Variants in BAZ2B observed in about 807,000 individuals in gnomAD.
BAZ2B encodes bromodomain adjacent to zinc finger domain 2B, also known as bromodomain adjacent to zinc finger domain protein 2B.
A neutral mutation model predicts 246.0 loss-of-function variants in BAZ2B; 91 were observed. The observed-to-expected ratio is 0.37, with a 90% confidence interval of 0.31 to 0.44. BAZ2B has a LOEUF of 0.44. BAZ2B is among the 20% of genes least tolerant of loss of function. BAZ2B has a pLI of 1.00. For missense variants in BAZ2B, 2,332 were observed against 2,533.7 expected, an observed-to-expected ratio of 0.92 and a Z score of 1.71; for synonymous variants, 855 against 860.0, an observed-to-expected ratio of 0.99 and a Z score of 0.10.
chr2:159,657,556 C>T, the BAZ2B span, among the ~76,000 whole-genome samples: 1 of 152,148 alleles, frequency 6.6e-6, no homozygotes, highest in African/African-American at 2.4e-5. Context: ...TTGGAAAGTG[C>T]TGACATCTTG....
At chr2:159,668,564 A>G in the BAZ2B span, among the ~76,000 whole-genome samples, 2 of 152,178 alleles carry the variant, frequency 1.3e-5, no homozygotes, top group Non-Finnish European at 2.9e-5. Context: ...TATCTCAATC[A>G]TGTAGGTAGG....
intron 1 of BAZ2B, among the ~76,000 whole-genome samples, chr2:159,585,424 C>T (rs1299124051): frequency 6.6e-6 from 1 of 152,082 alleles, no homozygotes; most frequent in Non-Finnish European, 1.5e-5. Flanking sequence ...TCAACAGACA[C>T]ATAAAAAAAT....
chr2:159,379,760 A>G (rs1406509196), intron 25 of BAZ2B, among the ~76,000 whole-genome samples: 4 of 152,160 alleles, frequency 2.6e-5, no homozygotes, highest in African/African-American at 7.2e-5. Flanking sequence ...TGATAAATTC[A>G]TCTCTCTAAG....
rs759816186 is a variant in BAZ2B at position 159,455,762 on chromosome 2, G to GTTTTTT, written c.146-1962_146-1961insAAAAAA. Among the ~76,000 whole-genome samples, 295 of 97,096 alleles carry GTTTTTT rather than the reference G, an allele frequency of 3.0e-3. 14 individuals carry two copies. Among genetic ancestry groups the GTTTTTT allele is most frequent in the East Asian group, 8.4e-3 (27 of 3,208 alleles). The allele number at this position is 97,096 out of a possible 152,430, so 63.7% of individuals were successfully genotyped here. A position where few individuals can be genotyped will look rare whatever the true frequency, so the allele number is the denominator to read the frequency against. On this transcript the variant is annotated intron_variant, in intron 3 of 36. Transcript: ENST00000392783. ...AGTGATAGGTTACCAGAAATATTGT[G>GTTTTTT]GTTTTTTTTTTTTTTTTTTTTTTTT... is the stretch of plus-strand genomic sequence containing the variant.
chr2:159,464,420 G>A (rs147213813), intron 3 of BAZ2B: 1 of 152,158 alleles, frequency 6.6e-6, no homozygotes, highest in African/African-American at 2.4e-5. Flanking sequence ...TAGAAGAGGT[G>A]ATGCATTATT....
At chr2:159,341,569 C>T (rs1559018896) in intron 31 of BAZ2B, among the ~76,000 whole-genome samples, 3 of 152,290 alleles carry the variant, frequency 2.0e-5, no homozygotes, top group South Asian at 4.1e-4. Context: ...CTGCAGAATA[C>T]ACATTATTTT....
intron 2 of BAZ2B, among the ~76,000 whole-genome samples, chr2:159,484,595 T>C (rs897222852): frequency 6.6e-6 from 1 of 152,226 alleles, no homozygotes; most frequent in African/African-American, 2.4e-5. Context: ...TTATGTACTA[T>C]AAAAGGATTC....
the BAZ2B span, among the ~76,000 whole-genome samples, chr2:159,679,121 A>C: frequency 9.2e-5 from 14 of 151,848 alleles, no homozygotes; most frequent in Non-Finnish European, 1.9e-4. Flanking sequence ...AAATACAAAA[A>C]ATTAGCCTGC....
At chr2:159,438,182 G>C in intron 8 of BAZ2B, 121 bp downstream of exon 8, 1 of 892,986 alleles carries the variant, frequency 1.1e-6, no homozygotes. Flanking sequence ...TCTATTCCTG[G>C]AGACTAAGAA....
At chr2:159,377,689 T>C (rs935117462) in intron 25 of BAZ2B, among the ~76,000 whole-genome samples, 10 of 151,836 alleles carry the variant, frequency 6.6e-5, no homozygotes, top group African/African-American at 1.5e-4. Flanking sequence ...GGCAGGCACC[T>C]GTAATCCCAG....
chr2:159,467,516 T>C (rs780030324), intron 3 of BAZ2B, among the ~76,000 whole-genome samples: 3 of 152,186 alleles, frequency 2.0e-5, no homozygotes, highest in Non-Finnish European at 4.4e-5. Context: ...GAATGGAATC[T>C]CTTTGCTTTG....
chr2:159,424,217 T>G (rs1041137120), intron 13 of BAZ2B, among the ~76,000 whole-genome samples: 1 of 152,194 alleles, frequency 6.6e-6, no homozygotes, highest in South Asian at 2.1e-4. Context: ...ATTAAAGATT[T>G]TATCTTTTCT....
chr2:159,656,377 T>C, the BAZ2B span, among the ~76,000 whole-genome samples: 1 of 152,176 alleles, frequency 6.6e-6, no homozygotes, highest in African/African-American at 2.4e-5. Flanking sequence ...GTATGTTTTC[T>C]GTTGCTTTGC....
intron 2 of BAZ2B, among the ~76,000 whole-genome samples, chr2:159,528,816 A>G (rs2085039621): frequency 2.0e-5 from 3 of 152,210 alleles, no homozygotes; most frequent in South Asian, 4.1e-4. Flanking sequence ...CACTAGTCCC[A>G]TAAGATGTTC....
chr2:159,347,499 C>T lies in BAZ2B; in HGVS notation c.5441G>A (p.Ser1814Asn). ...AGTCGATTTTACCTTCACTTGCAAA[C>T]TTGCTGATGCAACTCTCCTTTCTAG... ...EDLERRVASA[S>N]LQVKGWMCPE... Residue 1814 changes from serine to asparagine, a missense_variant, in exon 31 of 37, where the codon AGT becomes AAT. By Grantham distance (46) the Ser-to-Asn change is conservative (BLOSUM62 1). Coordinates refer to ENST00000392783, the MANE Select transcript of BAZ2B (RefSeq NM_013450.4). 1.4e-5 allele frequency: 22 copies of T among 1,613,680 alleles called. No homozygotes were observed. The highest frequency in any genetic ancestry group is 1.4e-5 in the Non-Finnish European group (17 of 1,179,794).
At chr2:159,341,052 A>G (rs1434389983) in intron 31 of BAZ2B, among the ~76,000 whole-genome samples, 2 of 152,200 alleles carry the variant, frequency 1.3e-5, no homozygotes, top group Non-Finnish European at 2.9e-5. Context: ...TAAATGAATT[A>G]AATTTCCCAT....
At chr2:159,519,712 G>A (rs1310029119) in intron 2 of BAZ2B, among the ~76,000 whole-genome samples, 1 of 120,574 alleles carries the variant, frequency 8.3e-6, no homozygotes, top group Non-Finnish European at 1.7e-5. Context: ...TTGCTCTGTC[G>A]CCCAGGCTGC....
At chr2:159,653,766 C>A in the BAZ2B span, among the ~76,000 whole-genome samples, 1 of 152,076 alleles carries the variant, frequency 6.6e-6, no homozygotes, top group East Asian at 1.9e-4. Context: ...GAATTATTGA[C>A]AAACTCAAAT....
At chr2:159,675,159 T>C in the BAZ2B span, among the ~76,000 whole-genome samples, 1 of 152,146 alleles carries the variant, frequency 6.6e-6, no homozygotes, top group African/African-American at 2.4e-5. Context: ...CCTAGCACTT[T>C]GGGAAGCCTG....
Sources: gnomAD v4.1 joint callset for allele counts (sites outside exome capture counted in the v4.1 genomes callset) on GRCh38, gnomAD v4.1.1 for gene constraint, MANE v1.5 for transcripts, NCBI Gene and HGNC (gene_info 2026-07-23, HGNC 2026-07-21) for gene names.